Variants in CAMTA1 observed in about 807,000 individuals in gnomAD.
The protein encoded by CAMTA1 is calmodulin binding transcription activator 1.
Under a neutral mutation model 170.9 loss-of-function variants are expected in CAMTA1, and 27 were observed. The ratio of observed to expected loss-of-function variants is 0.16; its 90% CI spans 0.12 to 0.22. The LOEUF is 0.22. Ranked by LOEUF, CAMTA1 falls within the 10% of genes least tolerant of loss-of-function variation. CAMTA1 has a pLI of 1.00. For synonymous variants in CAMTA1, 833 were observed against 891.5 expected, an observed-to-expected ratio of 0.93 and a Z score of 1.17; for missense variants, 1,619 against 2,217.2, an observed-to-expected ratio of 0.73 and a Z score of 5.42.
At position 7,680,179 on chromosome 1, in the gene CAMTA1, TTTGCGTCCGGGCCA is replaced by T. The variant is rs2096174396; in HGVS notation, c.2914+2447_2914+2460del. 3.7e-6 allele frequency: 1 copy of T among 267,740 alleles called. No homozygotes were observed. Among genetic ancestry groups the T allele is most frequent in the Admixed American group, 3.9e-5 (1 of 25,476 alleles). 16.6% of individuals were successfully genotyped at this position (267,740 alleles called of 1,614,324 possible). A position where few individuals can be genotyped will look rare whatever the true frequency, so the allele number is the denominator to read the frequency against. The stretch of plus-strand genomic sequence containing the variant: ...CCAGCCACGGGGCCTGGCCATGAAC[TTTGCGTCCGGGCCA>T]ATGCTGCAGTGGCCGGGCGGTGGTG... On this transcript the variant is annotated intron_variant, in intron 11 of 22. Transcript: ENST00000303635. The surrounding 1 kb of genome is among the most constrained non-coding windows in gnomAD (Gnocchi z 4.4).
chr1:7,626,488 CATA>C (rs1162484839), intron 6 of CAMTA1, among the ~76,000 whole-genome samples: 1 of 152,248 alleles, frequency 6.6e-6, no homozygotes, highest in Admixed American at 6.5e-5. Context: ...GGACCCTACT[CATA>C]GTCAAGGTTG....
In CAMTA1 at chr1:7,722,644, A is replaced by G. The variant is rs546650039; in HGVS notation, c.2915-9804A>G. 5.3e-5 allele frequency among the ~76,000 whole-genome samples: 8 copies of G among 152,188 alleles called. 1 individual carries two copies. The highest frequency in any genetic ancestry group is 1.2e-4 in the Non-Finnish European group (8 of 68,040). ...TACTACTATACTATAACCTATGCTT[A>G]TACTTTTGAGATACAGGAGTTAAAC... On this transcript the variant is annotated intron_variant, in intron 11 of 22. Transcript: ENST00000303635.
chr1:7,671,182 G>A (rs527626034), intron 10 of CAMTA1, 145 bp downstream of exon 10: 26 of 889,416 alleles, frequency 2.9e-5, no homozygotes, highest in East Asian at 1.7e-4. Context: ...GCGGATCCCC[G>A]ATAGTCTATT....
At chr1:7,083,479 G>C (rs1449665172) in intron 3 of CAMTA1, among the ~76,000 whole-genome samples, 1 of 152,228 alleles carries the variant, frequency 6.6e-6, no homozygotes, top group Non-Finnish European at 1.5e-5. Context: ...TGTTGGCTTG[G>C]CCAGCTGGGT....
chr1:6,864,845 A>G (rs531971368), intron 3 of CAMTA1, among the ~76,000 whole-genome samples: 1 of 152,136 alleles, frequency 6.6e-6, no homozygotes. Flanking sequence ...ATTGTTCCTC[A>G]GTGCTGGGGT....
intron 6 of CAMTA1, among the ~76,000 whole-genome samples, chr1:7,554,836 A>C (rs1421486198): frequency 6.6e-6 from 1 of 151,870 alleles, no homozygotes; most frequent in Non-Finnish European, 1.5e-5. Context: ...CAAAAAAAGA[A>C]GCCAGATTTC....
chr1:7,481,081 A>T (rs550948384), intron 6 of CAMTA1, among the ~76,000 whole-genome samples: 1 of 149,750 alleles, frequency 6.7e-6, no homozygotes, highest in African/African-American at 2.5e-5. Flanking sequence ...TCCTGAACCC[A>T]CCTCCTTCTC....
rs2097037510 is a variant in CAMTA1, at chr1:7,768,539, C to G, written c.*2048C>G. 1 of 152,688 alleles carries G rather than the reference C, an allele frequency of 6.5e-6. No individual in the cohort carries two copies. Among genetic ancestry groups the G allele is most frequent in the African/African-American group, 2.4e-5 (1 of 41,416 alleles). 9.5% of individuals were successfully genotyped at this position (152,688 alleles called of 1,614,324 possible). A position where few individuals can be genotyped will look rare whatever the true frequency, so the allele number is the denominator to read the frequency against. On this transcript the variant is annotated 3_prime_UTR_variant, in exon 23 of 23. Transcript: ENST00000303635. ...GGTGTCTTTGGAAGGAAGGTAGATA[C>G]AAAAAGATTGTGGTAAAAACTGGGG...
chr1:7,266,215 CA>C (rs78209290), intron 5 of CAMTA1, among the ~76,000 whole-genome samples: 34,124 of 152,130 alleles, frequency 0.22, 4,286 homozygotes, highest in Admixed American at 0.32. Context: ...GAGGAGGGAA[CA>C]AGGAACATGG....
chr1:7,558,657 A>G (rs1250180282), intron 6 of CAMTA1, among the ~76,000 whole-genome samples: 1 of 152,156 alleles, frequency 6.6e-6, no homozygotes, highest in Non-Finnish European at 1.5e-5. Flanking sequence ...CCAGCCCCGA[A>G]ACACACGGAA....
At chr1:7,149,694 C>T (rs761686810) in intron 4 of CAMTA1, among the ~76,000 whole-genome samples, 24 of 152,316 alleles carry the variant, frequency 1.6e-4, no homozygotes, top group East Asian at 1.5e-3. Flanking sequence ...TCTCCAAGCA[C>T]GGCCGTCCCT....
At chr1:7,730,926 C>CTATATA (rs768298597) in intron 11 of CAMTA1, among the ~76,000 whole-genome samples, 7 of 130,698 alleles carry the variant, frequency 5.4e-5, no homozygotes, top group East Asian at 2.4e-4. Flanking sequence ...CTCTCTCTCT[C>CTATATA]TCTATATATA....
intron 3 of CAMTA1, among the ~76,000 whole-genome samples, chr1:6,913,784 G>A (rs1266629792): frequency 6.6e-6 from 1 of 151,976 alleles, no homozygotes; most frequent in Non-Finnish European, 1.5e-5. Flanking sequence ...GTGGATGTGG[G>A]TTCTTAAGGC....
intron 3 of CAMTA1, among the ~76,000 whole-genome samples, chr1:6,951,480 C>T (rs1240287852): frequency 6.6e-6 from 1 of 152,142 alleles, no homozygotes; most frequent in Non-Finnish European, 1.5e-5. Context: ...GCAACAGATT[C>T]CTGTTTAAGG....
At chr1:7,636,098 G>A (rs1467120506) in intron 6 of CAMTA1, among the ~76,000 whole-genome samples, 1 of 152,176 alleles carries the variant, frequency 6.6e-6, no homozygotes, top group Non-Finnish European at 1.5e-5. Flanking sequence ...TCTGCTAATT[G>A]TATCAAAACA....
chr1:7,719,415 G>T lies in CAMTA1; in HGVS notation c.2915-13033G>T, dbSNP rs185674811. Among the ~76,000 whole-genome samples the T allele has an allele frequency of 8.5e-5, 13 of 152,318 alleles. No individual in the cohort carries two copies. In the East Asian group the frequency reaches 2.3e-3, roughly 27 times the overall value. ...CCGTTGTTTTGGCAGTATCCTGAAT[G>T]ATTTTTCTGAACAAGTCCAAGACTG... On this transcript the variant is annotated intron_variant, in intron 11 of 22. Transcript: ENST00000303635.
chr1:6,866,353 A>G (rs542990921), intron 3 of CAMTA1, among the ~76,000 whole-genome samples: 1 of 152,350 alleles, frequency 6.6e-6, no homozygotes, highest in African/African-American at 2.4e-5. Context: ...GGAATGGGAA[A>G]TGTCAACTCC....
At chr1:7,097,752 G>A (rs543958768) in intron 4 of CAMTA1, among the ~76,000 whole-genome samples, 7 of 152,334 alleles carry the variant, frequency 4.6e-5, no homozygotes, top group Admixed American at 6.5e-5. Flanking sequence ...TAAGCCAGAC[G>A]CAAAGAGCCA....
chr1:6,803,797 C>T (rs1273617933), intron 1 of CAMTA1, among the ~76,000 whole-genome samples: 1 of 152,294 alleles, frequency 6.6e-6, no homozygotes, highest in East Asian at 1.9e-4. Context: ...TCACTGGCAC[C>T]TTGAATTCCT....
Sources: gnomAD v4.1 joint callset for allele counts (sites outside exome capture counted in the v4.1 genomes callset) on GRCh38, gnomAD v4.1.1 for gene constraint, Gnocchi (gnomAD v3.1) non-coding constraint, MANE v1.5 for transcripts, NCBI Gene and HGNC (gene_info 2026-07-23, HGNC 2026-07-21) for gene names.